The following ASB13 variants were observed in gnomAD, a reference collection of about 807,000 sequenced individuals.
ASB13 encodes ankyrin repeat and SOCS box containing 13.
ASB13 carries 33 observed loss-of-function variants against 28.8 expected under a neutral mutation model. The observed-to-expected ratio is 1.15, with a 90% CI of 0.87 to 1.53. The LOEUF is 1.53. Among genes scored for constraint, ASB13 ranks in the 40% most tolerant of loss-of-function variants. The pLI is 0.00. For missense variants in ASB13, 414 were observed against 390.1 expected (o/e 1.06, Z -0.52); for synonymous variants, 182 against 172.9 (o/e 1.05, Z -0.41).
chr10:5,659,442 C>T lies in ASB13; in HGVS notation c.44-6392G>A, dbSNP rs1835124405. Among the ~76,000 whole-genome samples, 1 of 152,102 alleles carries T rather than the reference C, an allele frequency of 6.6e-6. No individual in the cohort carries two copies. The highest frequency in any genetic ancestry group is 2.4e-5 in the African/African-American group (1 of 41,406). ...CGACCATGCAGTCACAGGCCCTGTC[C>T]CCAGGCTCCCCGTCATGCACACAGC... On this transcript the variant is annotated intron_variant, in intron 1 of 5. Transcript: ENST00000357700. This position sits in a 1 kb window ranked among gnomAD's most constrained non-coding sequence, Gnocchi z 5.8.
chr10:5,638,977 T>G lies in ASB13; in HGVS notation c.*1726A>C, dbSNP rs540252327. The G allele has an allele frequency of 6.6e-6, 1 of 152,606 alleles. No individual in the cohort carries two copies. The highest frequency in any genetic ancestry group is 2.1e-4 in the South Asian group (1 of 4,822). The allele number at this position is 152,606 out of a possible 1,614,324, so 9.5% of individuals were successfully genotyped here. On this transcript the variant is annotated 3_prime_UTR_variant, in exon 6 of 6. Coordinates refer to ENST00000357700, the MANE Select transcript of ASB13 (RefSeq NM_024701.4). ...TGTCATTGCTAGAGGCAAGAATCTC[T>G]TACAAAGATGAAAGGGCAGAACCCA...
In ASB13 at chr10:5,651,315, C is replaced by G; in HGVS notation, c.280G>C (p.Ala94Pro). 1 of 1,613,668 alleles carries G rather than the reference C, an allele frequency of 6.2e-7. No individual in the cohort carries two copies. Among genetic ancestry groups the G allele is most frequent in the South Asian group, 1.1e-5 (1 of 91,018 alleles). The change falls in exon 3 of 6, where the codon GCC (alanine) becomes CCC (proline). Residue 94 changes from alanine to proline, a missense_variant. Physicochemically the swap from Ala to Pro is conservative, Grantham distance 27. Coordinates refer to ENST00000357700, the MANE Select transcript of ASB13 (RefSeq NM_024701.4). The surrounding 1 kb of genome is among the most constrained non-coding windows in gnomAD (Gnocchi z 5.1). The stretch of plus-strand genomic sequence containing the variant: ...TTCACACACTCGATGCTGCCCGAGG[C>G]GCAGGCATCGCAGAGCGGGGTGCTG... Reference protein sequence around the residue: ...DGSTPLCDACASGSIECVKLL... With the variant: ...DGSTPLCDACPSGSIECVKLL...
In ASB13 at chr10:5,641,801, G is replaced by A. The variant is rs775343547; in HGVS notation, c.678C>T (p.Ser226=). The change falls in exon 5 of 6, where the codon AGC becomes AGT. Residue 226 remains serine (S), a synonymous_variant. Transcript: ENST00000357700. The surrounding 1 kb of genome is among the most constrained non-coding windows in gnomAD (Gnocchi z 8.4). ...AGTACTCGAAGCACTTGGCGGGAGC[G>A]CTGCTGCTCCACGTGTAGTCAGACG... is the stretch of plus-strand genomic sequence containing the variant. ...KKPSDYTWSS[S]APAKCFEYYE... 3.1e-5 allele frequency: 50 copies of A among 1,607,290 alleles called. 1 individual carries two copies. The highest frequency in any genetic ancestry group is 1.8e-4 in the South Asian group (16 of 89,722).
Position 5,651,082 on chromosome 10 carries a change from C to A in ASB13, c.382+131G>T. 1 of 1,222,320 alleles carries A rather than the reference C, an allele frequency of 8.2e-7. No homozygotes were observed. The highest frequency in any genetic ancestry group is 1.1e-6 in the Non-Finnish European group (1 of 889,708). The allele number at this position is 1,222,320 out of a possible 1,614,324, so 75.7% of individuals were successfully genotyped here. ...AGCCACCAGGAGCCAGAAACAGACT[C>A]AGAACTCTCCTTCACCAGCCAAGGG... On this transcript the variant is annotated intron_variant, in intron 3 of 5. Coordinates refer to ENST00000357700, the MANE Select transcript of ASB13 (RefSeq NM_024701.4). This position sits in a 1 kb window ranked among gnomAD's most constrained non-coding sequence, Gnocchi z 5.1.
chr10:5,652,369 C>A lies in ASB13; in HGVS notation c.231+494G>T, dbSNP rs1564218758. ...TTGCCAGCTCGGGAGAGCTGGCTGC[C>A]AATGTGCCAGGAATTCTGCTGACCA... On this transcript the variant is annotated intron_variant, in intron 2 of 5. Coordinates refer to ENST00000357700, the MANE Select transcript of ASB13 (RefSeq NM_024701.4). This position sits in a 1 kb window ranked among gnomAD's most constrained non-coding sequence, Gnocchi z 5.0. Among the ~76,000 whole-genome samples the A allele has an allele frequency of 6.6e-6, 1 of 152,186 alleles. No individual in the cohort carries two copies. The highest frequency in any genetic ancestry group is 1.5e-5 in the Non-Finnish European group (1 of 68,048).
At position 5,640,696 on chromosome 10, in the gene ASB13, C is replaced by G. The variant is rs774285590; in HGVS notation, c.*7G>C. On this transcript the variant is annotated 3_prime_UTR_variant, in exon 6 of 6. Coordinates refer to ENST00000357700, the MANE Select transcript of ASB13 (RefSeq NM_024701.4). Reference sequence around the variant, plus strand: ...GGGGCAGCCACGGTCCGGACCCCACCTGCAATTCAGTTGTAGGAGAGGTAA... The same window carrying G: ...GGGGCAGCCACGGTCCGGACCCCACGTGCAATTCAGTTGTAGGAGAGGTAA... The G allele has an allele frequency of 1.9e-6, 3 of 1,614,130 alleles. No individual in the cohort carries two copies. Among genetic ancestry groups the G allele is most frequent in the Non-Finnish European group, 2.5e-6 (3 of 1,180,002 alleles).
intron 1 of ASB13, among the ~76,000 whole-genome samples, chr10:5,657,902 C>T (rs1001056100): frequency 1.3e-5 from 2 of 152,212 alleles, no homozygotes; most frequent in Non-Finnish European, 2.9e-5. Flanking sequence ...AATCCCAGCA[C>T]TTTGGGAGGC....
chr10:5,657,722 C>A (rs964280725), intron 1 of ASB13, among the ~76,000 whole-genome samples: 2 of 152,174 alleles, frequency 1.3e-5, no homozygotes, highest in Admixed American at 6.5e-5. Flanking sequence ...CATTTGTACA[C>A]CCACATTCAT....
intron 1 of ASB13, among the ~76,000 whole-genome samples, chr10:5,657,381 A>G (rs1835089427): frequency 6.6e-6 from 1 of 152,114 alleles, no homozygotes; most frequent in Non-Finnish European, 1.5e-5. Context: ...AGTTGAACAG[A>G]CATTTCTCTA....
chr10:5,640,943 G>A (rs772045855), intron 5 of ASB13, 113 bp from the exon 6 acceptor site: 72 of 1,400,974 alleles, frequency 5.1e-5, no homozygotes, highest in Middle Eastern at 3.6e-4. Context: ...CCCTGGAACC[G>A]GGATGTGTCC....
rs1437850649 is a variant in ASB13 at position 5,658,546 on chromosome 10, A to G, written c.44-5496T>C. ...GATGGAAAGTAGAAAGGTAGTTGCC[A>G]GGGGCTTGGGGGAGGAGAAATGGGG... On this transcript the variant is annotated intron_variant, in intron 1 of 5. Transcript: ENST00000357700. The surrounding 1 kb of genome is among the most constrained non-coding windows in gnomAD (Gnocchi z 4.2). 2.0e-5 allele frequency among the ~76,000 whole-genome samples: 3 copies of G among 152,154 alleles called. No homozygotes were observed. The highest frequency in any genetic ancestry group is 7.2e-5 in the African/African-American group (3 of 41,444).
Position 5,655,632 on chromosome 10 carries a change from T to C in ASB13, c.44-2582A>G, listed in dbSNP as rs1225629727. 2.6e-5 allele frequency among the ~76,000 whole-genome samples: 4 copies of C among 152,190 alleles called. No individual in the cohort carries two copies. The highest frequency in any genetic ancestry group is 5.9e-5 in the Non-Finnish European group (4 of 68,034). The stretch of plus-strand genomic sequence containing the variant: ...TGTAAAAGTCAAGCTTGTGGAACTT[T>C]CTACTCACCGTCTCCAGGTGGCCCT... On this transcript the variant is annotated intron_variant, in intron 1 of 5. Coordinates refer to ENST00000357700, the MANE Select transcript of ASB13 (RefSeq NM_024701.4). This position sits in a 1 kb window ranked among gnomAD's most constrained non-coding sequence, Gnocchi z 6.2.
At position 5,659,192 on chromosome 10, in the gene ASB13, C is replaced by T. The variant is rs115072917; in HGVS notation, c.44-6142G>A. 3.3e-5 allele frequency among the ~76,000 whole-genome samples: 5 copies of T among 152,286 alleles called. No individual in the cohort carries two copies. The South Asian group carries it at 1.0e-3, about 32-fold the overall frequency. Reference sequence around the variant, plus strand: ...GGCAAGACGCCCCCCCTCCCCAATCCCTGCACCCTCTCCCTTGGCGGAGCA... The same window carrying T: ...GGCAAGACGCCCCCCCTCCCCAATCTCTGCACCCTCTCCCTTGGCGGAGCA... On this transcript the variant is annotated intron_variant, in intron 1 of 5. Coordinates refer to ENST00000357700, the MANE Select transcript of ASB13 (RefSeq NM_024701.4). This position sits in a 1 kb window ranked among gnomAD's most constrained non-coding sequence, Gnocchi z 5.8.
At position 5,651,497 on chromosome 10, in the gene ASB13, A is replaced by G; in HGVS notation, c.232-134T>C. The stretch of plus-strand genomic sequence containing the variant: ...TTTGCTTTGCTATTATGTGCTAGGC[A>G]ACGACACTGAAAGAGATAGCACGTG... On this transcript the variant is annotated intron_variant, in intron 2 of 5. Transcript: ENST00000357700. The surrounding 1 kb of genome is among the most constrained non-coding windows in gnomAD (Gnocchi z 5.1). The G allele has an allele frequency of 1.0e-6, 1 of 1,003,266 alleles. No homozygotes were observed. Among genetic ancestry groups the G allele is most frequent in the South Asian group, 1.7e-5 (1 of 58,030 alleles). The allele number at this position is 1,003,266 out of a possible 1,614,324, so 62.1% of individuals were successfully genotyped here.
rs1419585118 is a variant in ASB13, at chr10:5,664,170, G to A, written c.43+2339C>T. On this transcript the variant is annotated intron_variant, in intron 1 of 5. Coordinates refer to ENST00000357700, the MANE Select transcript of ASB13 (RefSeq NM_024701.4). The surrounding 1 kb of genome is among the most constrained non-coding windows in gnomAD (Gnocchi z 4.2). ...GGGAATCTGAACTACCCCTGGGAGG[G>A]CACTGAACGCAAAGGGATGCGCAAA... is the stretch of plus-strand genomic sequence containing the variant. Among the ~76,000 whole-genome samples the A allele has an allele frequency of 6.6e-6, 1 of 152,100 alleles. No homozygotes were observed. The highest frequency in any genetic ancestry group is 2.4e-5 in the African/African-American group (1 of 41,402).
rs1407560685 is a variant in ASB13, at chr10:5,651,014, G to C, written c.382+199C>G. The stretch of plus-strand genomic sequence containing the variant: ...CCTAGAGTCACCCACCCCAGCCCTG[G>C]ACGAAGACCTCAAGAAGGGAAAGCT... On this transcript the variant is annotated intron_variant, in intron 3 of 5. Coordinates refer to ENST00000357700, the MANE Select transcript of ASB13 (RefSeq NM_024701.4). This position sits in a 1 kb window ranked among gnomAD's most constrained non-coding sequence, Gnocchi z 5.1. 1.3e-5 allele frequency among the ~76,000 whole-genome samples: 2 copies of C among 152,174 alleles called. No individual in the cohort carries two copies. Among genetic ancestry groups the C allele is most frequent in the Non-Finnish European group, 2.9e-5 (2 of 68,030 alleles).
Position 5,645,434 on chromosome 10 carries a change from T to C in ASB13, c.518-3473A>G, listed in dbSNP as rs1219403237. Among the ~76,000 whole-genome samples the C allele has an allele frequency of 6.6e-6, 1 of 152,130 alleles. No homozygotes were observed. The highest frequency in any genetic ancestry group is 1.5e-5 in the Non-Finnish European group (1 of 68,020). On this transcript the variant is annotated intron_variant, in intron 4 of 5. Transcript: ENST00000357700. The surrounding 1 kb of genome is among the most constrained non-coding windows in gnomAD (Gnocchi z 5.4). ...CACTGTCAGTGATCAGATTAAAAAT[T>C]ACTTCACCATCATAACCGGACTTTC...
chr10:5,660,903 G>A lies in ASB13; in HGVS notation c.43+5606C>T, dbSNP rs1266207708. Reference sequence around the variant, plus strand: ...TGCCTTGCAAGCCACCCAGCAGTGTGCCGGGCCATCTCGCCAGCTGGCTGC... The same window carrying A: ...TGCCTTGCAAGCCACCCAGCAGTGTACCGGGCCATCTCGCCAGCTGGCTGC... On this transcript the variant is annotated intron_variant, in intron 1 of 5. Transcript: ENST00000357700. The surrounding 1 kb of genome is among the most constrained non-coding windows in gnomAD (Gnocchi z 6.1). Among the ~76,000 whole-genome samples, 1 of 152,192 alleles carries A rather than the reference G, an allele frequency of 6.6e-6. No homozygotes were observed. The highest frequency in any genetic ancestry group is 1.5e-5 in the Non-Finnish European group (1 of 68,036).
intron 1 of ASB13, 125 bp downstream of exon 1, chr10:5,666,384 G>A (rs1328683603): frequency 1.2e-6 from 1 of 810,200 alleles, no homozygotes; most frequent in Non-Finnish European, 1.6e-6. Flanking sequence ...CCCGCCAAAC[G>A]CCCCCGCCCA....
Sources: allele counts gnomAD v4.1 joint callset (sites outside exome capture counted in the v4.1 genomes callset), GRCh38; gene constraint gnomAD v4.1.1; non-coding constraint Gnocchi (gnomAD v3.1); transcripts MANE v1.5; gene names NCBI Gene and HGNC (gene_info 2026-07-23, HGNC 2026-07-21).